BLM: variants seen among roughly 807,000 people sequenced by gnomAD.
BLM encodes recQ-like DNA helicase BLM.
A neutral mutation model predicts 135.3 loss-of-function variants in BLM; 95 were observed. That is an observed-to-expected ratio of 0.70 (90% confidence interval 0.59 to 0.83). BLM has a LOEUF of 0.83. Ranked by LOEUF, BLM falls within the 40% of genes least tolerant of loss-of-function variation. The pLI is 0.00. For synonymous variants in BLM, 520 were observed against 589.2 expected, an observed-to-expected ratio of 0.88 and a Z score of 1.70; for missense variants, 1,518 against 1,663.9, an observed-to-expected ratio of 0.91 and a Z score of 1.53.
Position 90,815,065 on chromosome 15 carries a change from A to G in BLM, c.4077-37A>G, listed in dbSNP as rs771606404. 2 of 1,609,102 alleles carry G rather than the reference A, an allele frequency of 1.2e-6. No homozygotes were observed. Among genetic ancestry groups the G allele is most frequent in the African/African-American group, 1.3e-5 (1 of 74,864 alleles). ...AGGAAGGTCATTCATTTTTGGTTTCATTTAACATTTTGATTTTTTTCTTTG... is the reference window on the plus strand; with the variant it reads ...AGGAAGGTCATTCATTTTTGGTTTCGTTTAACATTTTGATTTTTTTCTTTG... On this transcript the variant is annotated intron_variant, in intron 21 of 21. Coordinates refer to ENST00000355112, the MANE Select transcript of BLM (RefSeq NM_000057.4). This position sits in a 1 kb window ranked among gnomAD's most constrained non-coding sequence, Gnocchi z 4.6.
In BLM at chr15:90,794,427, A is replaced by G. The variant is rs1756551523; in HGVS notation, c.3210+70A>G. 2.4e-6 allele frequency: 3 copies of G among 1,268,016 alleles called. No homozygotes were observed. In the East Asian group the frequency reaches 7.8e-5, roughly 33 times the overall value. 78.5% of individuals were successfully genotyped at this position (1,268,016 alleles called of 1,614,324 possible). The stretch of plus-strand genomic sequence containing the variant: ...CTCTTACTTTAAAAATGTAGATACA[A>G]ATTAGATTGCAAAAGGTGGTCTCCG... On this transcript the variant is annotated intron_variant, in intron 16 of 21. Transcript: ENST00000355112.
intron 1 of BLM, among the ~76,000 whole-genome samples, chr15:90,739,955 G>A (rs1257101121): frequency 6.6e-6 from 1 of 151,994 alleles, no homozygotes; most frequent in Admixed American, 6.6e-5. Context: ...TGTAGAGATG[G>A]GGTTTCACCA....
chr15:90,797,395 G>A (rs981319552), intron 16 of BLM, among the ~76,000 whole-genome samples: 12 of 109,314 alleles, frequency 1.1e-4, no homozygotes, highest in African/African-American at 4.8e-4. Flanking sequence ...CAGCCTGGGC[G>A]ACGAGCGAAA....
chr15:90,799,003 A>T (rs764128739), intron 17 of BLM, among the ~76,000 whole-genome samples: 3 of 150,192 alleles, frequency 2.0e-5, no homozygotes, highest in Non-Finnish European at 4.4e-5. Context: ...AAATAAACAA[A>T]CACACACAAA....
intron 12 of BLM, 62 bp downstream of exon 12, chr15:90,769,648 T>C: frequency 6.4e-7 from 1 of 1,562,114 alleles, no homozygotes. Context: ...AGCTGCTACA[T>C]GTTAGAATCA....
intron 15 of BLM, among the ~76,000 whole-genome samples, chr15:90,793,274 AC>A: frequency 1.3e-5 from 2 of 151,836 alleles, no homozygotes; most frequent in South Asian, 4.2e-4. Flanking sequence ...AGCAGGGATT[AC>A]AGGCTCGCAC....
chr15:90,761,822 T>TA (rs1450089646), intron 7 of BLM, among the ~76,000 whole-genome samples: 1 of 152,112 alleles, frequency 6.6e-6, no homozygotes, highest in Non-Finnish European at 1.5e-5. Flanking sequence ...GAATAACAAA[T>TA]ACTAAGTAGT....
At chr15:90,799,888 G>A (rs975159462) in intron 17 of BLM, among the ~76,000 whole-genome samples, 4 of 152,110 alleles carry the variant, frequency 2.6e-5, no homozygotes, top group Non-Finnish European at 5.9e-5. Context: ...ATAGAGGAAG[G>A]GGAGAAGGAG....
At chr15:90,768,526 A>G (rs1896201953) in intron 10 of BLM, among the ~76,000 whole-genome samples, 1 of 152,202 alleles carries the variant, frequency 6.6e-6, no homozygotes, top group South Asian at 2.1e-4. Context: ...CCAGATATGT[A>G]ACCCTGTTGC....
At chr15:90,810,300 C>G (rs1450416278) in intron 20 of BLM, among the ~76,000 whole-genome samples, 1 of 152,198 alleles carries the variant, frequency 6.6e-6, no homozygotes, top group Non-Finnish European at 1.5e-5. Context: ...AGTGATCCAC[C>G]TGCCTCAGCC....
At chr15:90,786,670 C>T (rs1896756796) in intron 14 of BLM, among the ~76,000 whole-genome samples, 1 of 151,824 alleles carries the variant, frequency 6.6e-6, no homozygotes. Flanking sequence ...GGCTGGAGTG[C>T]AGTGGCGCAA....
At chr15:90,773,095 C>CAAA (rs780966709) in intron 12 of BLM, among the ~76,000 whole-genome samples, 446 of 43,366 alleles carry the variant, frequency 0.01, 15 homozygotes, top group Middle Eastern at 0.023. Context: ...GAGACTGTCT[C>CAAA]AAAAAAAAAA....
chr15:90,802,286 A>G (rs1384900518), intron 17 of BLM, among the ~76,000 whole-genome samples: 1 of 152,262 alleles, frequency 6.6e-6, no homozygotes. Flanking sequence ...ACAGAGCTAA[A>G]GCTTTACGTA....
chr15:90,789,042 GATATAT>G (rs10598894), intron 14 of BLM, among the ~76,000 whole-genome samples: 3 of 146,316 alleles, frequency 2.1e-5, no homozygotes, highest in Non-Finnish European at 4.5e-5. Flanking sequence ...CTACAATGGA[GATATAT>G]ATATATATAT....
At position 90,728,999 on chromosome 15, in the gene BLM, G is replaced by A. The variant is rs537296139; in HGVS notation, c.-5+11559G>A. Reference sequence around the variant, plus strand: ...ATTCGAGACCAGTCTGGGCAACACGGTGAGTCCCTGTCTCTGTTTAAAAAT... The same window carrying A: ...ATTCGAGACCAGTCTGGGCAACACGATGAGTCCCTGTCTCTGTTTAAAAAT... On this transcript the variant is annotated intron_variant, in intron 1 of 21. Transcript: ENST00000355112. 1.2e-3 allele frequency among the ~76,000 whole-genome samples: 185 copies of A among 151,942 alleles called. 1 individual carries two copies. Among genetic ancestry groups the A allele is most frequent in the African/African-American group, 4.3e-3 (177 of 41,488 alleles).
intron 12 of BLM, among the ~76,000 whole-genome samples, chr15:90,775,941 C>T (rs1183194056): frequency 6.6e-6 from 1 of 152,146 alleles, no homozygotes; most frequent in Non-Finnish European, 1.5e-5. Context: ...GATCCTCCCA[C>T]CTTAATCTTC....
In BLM at chr15:90,782,811, G is replaced by C. The variant is rs1395794633; in HGVS notation, c.2556-11G>C. ...CATAATAACTAAATTTTATGTTTGG[G>C]ACTTTTTTAGGTTTAGCATGAGCTT... On this transcript the variant is annotated splice_polypyrimidine_tract_variant and intron_variant, in intron 12 of 21. Transcript: ENST00000355112. 1 of 1,585,986 alleles carries C rather than the reference G, an allele frequency of 6.3e-7. No individual in the cohort carries two copies. Among genetic ancestry groups the C allele is most frequent in the East Asian group, 2.2e-5 (1 of 44,734 alleles).
intron 12 of BLM, 139 bp from the exon 13 acceptor site, chr15:90,782,682 TA>T: frequency 1.5e-6 from 1 of 662,296 alleles, no homozygotes; most frequent in Non-Finnish European, 2.7e-6. Context: ...CCTCATGACC[TA>T]ATTATCTCCC....
chr15:90,766,766 C>T (rs977054902), intron 9 of BLM, 144 bp from the exon 10 acceptor site: 1 of 615,002 alleles, frequency 1.6e-6, no homozygotes, highest in African/African-American at 1.9e-5. Context: ...AATGTATGTA[C>T]TTACATACTT....
Sources: allele counts gnomAD v4.1 joint callset (sites outside exome capture counted in the v4.1 genomes callset), GRCh38; gene constraint gnomAD v4.1.1; non-coding constraint Gnocchi (gnomAD v3.1); transcripts MANE v1.5; gene names NCBI Gene and HGNC (gene_info 2026-07-23, HGNC 2026-07-21).